SF3A3: variants seen among roughly 807,000 people sequenced by gnomAD.
SF3A3 encodes SAP 61.
SF3A3 carries 9 observed loss-of-function variants against 85.8 expected under a neutral mutation model. That is an observed-to-expected ratio of 0.10 (90% CI 0.06 to 0.18). SF3A3 has a LOEUF of 0.18. Among genes scored for constraint, SF3A3 ranks in the 10% least tolerant of loss-of-function variants. SF3A3 has a pLI of 1.00. For missense variants in SF3A3, 306 were observed against 593.3 expected (o/e 0.52, Z 5.03); for synonymous variants, 195 against 204.4 (o/e 0.95, Z 0.39).
chr1:37,961,458 C>T (rs949181727), intron 15 of SF3A3, among the ~76,000 whole-genome samples: 5 of 151,928 alleles, frequency 3.3e-5, no homozygotes, highest in Middle Eastern at 3.2e-3. Flanking sequence ...GTGGTGCATG[C>T]CTGTAATCCC....
intron 7 of SF3A3, 84 bp downstream of exon 7, chr1:37,981,645 A>G (rs1646419719): frequency 5.8e-6 from 5 of 861,350 alleles, no homozygotes; most frequent in Non-Finnish European, 9.7e-6. Context: ...CCTTCCAGGC[A>G]ACAAATTCAG....
At chr1:37,964,639 A>T (rs891748170) in intron 15 of SF3A3, among the ~76,000 whole-genome samples, 7 of 152,118 alleles carry the variant, frequency 4.6e-5, no homozygotes, top group Non-Finnish European at 4.4e-5. Context: ...ATGAAATGAA[A>T]TAAAAAAAGA....
chr1:37,961,281 T>C (rs958037737), intron 15 of SF3A3, among the ~76,000 whole-genome samples: 3 of 152,160 alleles, frequency 2.0e-5, no homozygotes, highest in African/African-American at 7.2e-5. Flanking sequence ...TCTTTGCTAA[T>C]TGCTTTAAAT....
At chr1:37,976,144 A>T (rs1646378097) in intron 12 of SF3A3, among the ~76,000 whole-genome samples, 1 of 96,044 alleles carries the variant, frequency 1.0e-5, no homozygotes, top group Admixed American at 1.3e-4. Context: ...TGACAGAGCA[A>T]GACTCTGTCT....
chr1:37,985,553 T>C (rs1021020781), intron 4 of SF3A3, among the ~76,000 whole-genome samples: 28 of 152,258 alleles, frequency 1.8e-4, no homozygotes, highest in Admixed American at 9.8e-4. Flanking sequence ...TATATGTATT[T>C]GTACAAGTAC....
At chr1:37,983,586 C>CAGAAAAAAAAAAAA (rs1646435152) in intron 6 of SF3A3, among the ~76,000 whole-genome samples, 2 of 38,490 alleles carry the variant, frequency 5.2e-5, no homozygotes, top group East Asian at 2.8e-3. Context: ...GACCCTGTCT[C>CAGAAAAAAAAAAAA]AAAAAAAAAA....
chr1:37,983,717 T>C (rs1385936998), intron 6 of SF3A3, among the ~76,000 whole-genome samples: 1 of 151,810 alleles, frequency 6.6e-6, no homozygotes, highest in East Asian at 1.9e-4. Flanking sequence ...GGAGGATCAT[T>C]TGAGGTCAGG....
At chr1:37,989,473 A>C in intron 2 of SF3A3, 75 bp downstream of exon 2, 1 of 1,518,958 alleles carries the variant, frequency 6.6e-7, no homozygotes, top group South Asian at 1.2e-5. Context: ...ACTCATGCTG[A>C]GACACCGCAC....
Position 37,959,722 on chromosome 1 carries a change from C to T in SF3A3, c.1428+398G>A, listed in dbSNP as rs190760106. ...CCTCCCAAGTAGCTGGGACTACAGG[C>T]GTGCATGGGTGGATCACCTGAGGTG... is the stretch of plus-strand genomic sequence containing the variant. On this transcript the variant is annotated intron_variant, in intron 16 of 16. Transcript: ENST00000373019. Among the ~76,000 whole-genome samples the T allele has an allele frequency of 4.9e-4, 75 of 152,158 alleles. No homozygotes were observed. The South Asian group carries it at 7.1e-3, about 14-fold the overall frequency.
intron 6 of SF3A3, among the ~76,000 whole-genome samples, chr1:37,983,771 C>CA (rs1488823149): frequency 6.6e-6 from 1 of 150,824 alleles, no homozygotes; most frequent in Non-Finnish European, 1.5e-5. Flanking sequence ...CCCATCTTTA[C>CA]AAAAAAAGAC....
chr1:37,959,071 C>T (rs28458440), intron 16 of SF3A3, among the ~76,000 whole-genome samples: 137,231 of 151,006 alleles, frequency 0.91, 62,426 homozygotes, highest in East Asian at 1. Flanking sequence ...GCCATTTCAA[C>T]TTTTTTTTCT....
chr1:37,985,187 T>C (rs558022734), intron 4 of SF3A3, among the ~76,000 whole-genome samples: 39 of 152,350 alleles, frequency 2.6e-4, no homozygotes, highest in African/African-American at 9.4e-4. Context: ...ATGATTTATT[T>C]GGCCTTGATT....
chr1:37,958,317 G>T, intron 16 of SF3A3, 54 bp from the exon 17 acceptor site: 1 of 1,268,210 alleles, frequency 7.9e-7, no homozygotes, highest in South Asian at 1.2e-5. Flanking sequence ...GAAATGTTTG[G>T]AACCAATCTC....
rs371317065 is a variant in SF3A3, at chr1:37,983,586, C to CAAAAAAAA, written c.468+575_468+582dup. Among the ~76,000 whole-genome samples the CAAAAAAAA allele has an allele frequency of 8.1e-3, 310 of 38,458 alleles. 65 individuals carry two copies. Among genetic ancestry groups the CAAAAAAAA allele is most frequent in the African/African-American group, 0.035 (201 of 5,822 alleles). The allele number at this position is 38,458 out of a possible 152,430, so 25.2% of individuals were successfully genotyped here. Reference sequence around the variant, plus strand: ...TGGGTGACAAAGTGAGACCCTGTCTCAAAAAAAAAAAAAAAAAAAAAAGAT... The same window carrying CAAAAAAAA: ...TGGGTGACAAAGTGAGACCCTGTCTCAAAAAAAAAAAAAAAAAAAAAAAAAAAAAAGAT... On this transcript the variant is annotated intron_variant, in intron 6 of 16. Coordinates refer to ENST00000373019, the MANE Select transcript of SF3A3 (RefSeq NM_006802.4).
intron 12 of SF3A3, among the ~76,000 whole-genome samples, chr1:37,974,463 T>G (rs534146892): frequency 6.6e-6 from 1 of 152,066 alleles, no homozygotes; most frequent in Non-Finnish European, 1.5e-5. Flanking sequence ...CCACTATGCC[T>G]GGCTAATTTT....
At chr1:37,964,041 T>C (rs2148715513) in intron 15 of SF3A3, among the ~76,000 whole-genome samples, 1 of 151,674 alleles carries the variant, frequency 6.6e-6, no homozygotes, top group East Asian at 2.0e-4. Flanking sequence ...TAGCTGGGTG[T>C]GGTGGCGCAC....
At chr1:37,984,906 C>G (rs1478786204) in intron 4 of SF3A3, 127 bp from the exon 5 acceptor site, 4 of 716,416 alleles carry the variant, frequency 5.6e-6, no homozygotes, top group Non-Finnish European at 9.7e-6. Flanking sequence ...CTCCCGGGTT[C>G]AAGCGATTGT....
At chr1:37,980,437 AC>A in intron 8 of SF3A3, 148 bp downstream of exon 8, 2 of 821,244 alleles carry the variant, frequency 2.4e-6, no homozygotes, top group Non-Finnish European at 3.7e-6. Context: ...AAAAAAAAAA[AC>A]ATAGCATACT....
rs553889346 is a variant in SF3A3 at position 37,974,712 on chromosome 1, C to T, written c.1005+2172G>A. Among the ~76,000 whole-genome samples, 27 of 152,304 alleles carry T rather than the reference C, an allele frequency of 1.8e-4. 1 individual carries two copies. The South Asian group carries it at 5.4e-3, about 30-fold the overall frequency. On this transcript the variant is annotated intron_variant, in intron 12 of 16. Coordinates refer to ENST00000373019, the MANE Select transcript of SF3A3 (RefSeq NM_006802.4). ...ACCCAAATCTGTAGTGGCACGCTAT[C>T]CTACTTAAGAGAACTTTTATTGGCT... is the stretch of plus-strand genomic sequence containing the variant.
Sources: gnomAD v4.1 joint callset for allele counts (sites outside exome capture counted in the v4.1 genomes callset) on GRCh38, gnomAD v4.1.1 for gene constraint, MANE v1.5 for transcripts, NCBI Gene and HGNC (gene_info 2026-07-23, HGNC 2026-07-21) for gene names.